Variants in MAPKAPK3 observed in about 807,000 individuals in gnomAD.
MAPKAPK3 encodes the protein MAP kinase-activated protein kinase 3.
MAPKAPK3 carries 35 observed loss-of-function variants against 49.2 expected under a neutral mutation model. That is an observed-to-expected ratio of 0.71 (90% CI 0.54 to 0.94). MAPKAPK3 has a LOEUF of 0.94. Ranked by LOEUF, MAPKAPK3 falls within the 40% of genes least tolerant of loss-of-function variation. MAPKAPK3 has a pLI of 0.00. For synonymous variants in MAPKAPK3, 178 were observed against 188.7 expected (o/e 0.94, Z 0.46); for missense variants, 398 against 493.1 (o/e 0.81, Z 1.83).
chr3:50,646,564 A>T (rs574638620), intron 8 of MAPKAPK3, among the ~76,000 whole-genome samples, 176 bp from the exon 9 acceptor site: 1 of 152,300 alleles, frequency 6.6e-6, no homozygotes, highest in African/African-American at 2.4e-5. Context: ...TTAACCAATT[A>T]TCCTGAACAC....
chr3:50,617,740 C>G lies in MAPKAPK3; in HGVS notation c.175C>G (p.Leu59Val). ...VLGLGVNGKV[L>V]ECFHRRTGQK... ...GGGCCTGGGTGTGAACGGCAAAGTG[C>G]TGGAGTGCTTCCATCGGCGCACTGG... is the stretch of plus-strand genomic sequence containing the variant. The change falls in exon 2 of 11, where the codon CTG (leucine) becomes GTG (valine). Residue 59 changes from leucine to valine, a missense_variant. Physicochemically the swap from Leu to Val is conservative, Grantham distance 32 (BLOSUM62 1). This residue lies in a region of MAPKAPK3 where 123 missense variants were observed against 117.7 expected (regional missense o/e 1.04). Transcript: ENST00000621469. 6.2e-7 allele frequency: 1 copy of G among 1,613,644 alleles called. No homozygotes were observed. Among genetic ancestry groups the G allele is most frequent in the South Asian group, 1.1e-5 (1 of 91,080 alleles).
intron 2 of MAPKAPK3, among the ~76,000 whole-genome samples, chr3:50,639,599 G>C (rs961380556): frequency 6.6e-6 from 1 of 152,176 alleles, no homozygotes; most frequent in Non-Finnish European, 1.5e-5. Context: ...CACTCCTGGA[G>C]AATCTGAAGT....
intron 4 of MAPKAPK3, 43 bp from the exon 5 acceptor site, chr3:50,642,210 C>T: frequency 7.3e-7 from 1 of 1,365,360 alleles, no homozygotes; most frequent in Non-Finnish European, 1.0e-6. Context: ...GGGGCTTGAC[C>T]TTTGACTGGC....
chr3:50,637,930 C>T (rs1322695121), intron 2 of MAPKAPK3, among the ~76,000 whole-genome samples: 1 of 152,136 alleles, frequency 6.6e-6, no homozygotes, highest in East Asian at 1.9e-4. Context: ...GGTTTTGGCC[C>T]AGAGGTGGCA....
At chr3:50,631,343 G>T (rs1335648238) in intron 2 of MAPKAPK3, among the ~76,000 whole-genome samples, 4 of 152,188 alleles carry the variant, frequency 2.6e-5, no homozygotes. Context: ...GACATGGGGG[G>T]CAGGAGCGGG....
intron 2 of MAPKAPK3, among the ~76,000 whole-genome samples, chr3:50,635,833 C>G (rs1286594557): frequency 7.0e-6 from 1 of 143,534 alleles, no homozygotes; most frequent in Non-Finnish European, 1.5e-5. Flanking sequence ...CCTACAATCT[C>G]AGTGCTTCAG....
chr3:50,628,882 C>G (rs1252610719), intron 2 of MAPKAPK3, among the ~76,000 whole-genome samples: 1 of 152,206 alleles, frequency 6.6e-6, no homozygotes. Context: ...GCCATGGTCA[C>G]ACATTTTGCA....
At chr3:50,628,293 T>C (rs2032810815) in intron 2 of MAPKAPK3, among the ~76,000 whole-genome samples, 1 of 152,206 alleles carries the variant, frequency 6.6e-6, no homozygotes, top group Non-Finnish European at 1.5e-5. Flanking sequence ...TGGCCCTTTG[T>C]TACCCTGTGT....
At chr3:50,620,346 A>G (rs2032580456) in intron 2 of MAPKAPK3, among the ~76,000 whole-genome samples, 2 of 152,084 alleles carry the variant, frequency 1.3e-5, no homozygotes, top group Admixed American at 6.5e-5. Flanking sequence ...GCCCCAGCTC[A>G]GCCTAGGCAA....
At chr3:50,612,296 C>T (rs2032355081), upstream of MAPKAPK3, 1 of 151,984 alleles carries the variant, frequency 6.6e-6, no homozygotes, top group Admixed American at 6.6e-5. Flanking sequence ...CCGGGCTTGT[C>T]CTCCCTGCGA....
At chr3:50,613,834 T>A (rs2032398576), upstream of MAPKAPK3, 1 of 152,118 alleles carries the variant, frequency 6.6e-6, no homozygotes, top group African/African-American at 2.4e-5. Flanking sequence ...ATAACTTAGA[T>A]CTCCCAGCTG....
In MAPKAPK3 at chr3:50,648,174, T is replaced by C; in HGVS notation, c.*128T>C. The C allele has an allele frequency of 9.6e-7, 1 of 1,040,198 alleles. No individual in the cohort carries two copies. The highest frequency in any genetic ancestry group is 1.6e-5 in the African/African-American group (1 of 61,834). 64.4% of individuals were successfully genotyped at this position (1,040,198 alleles called of 1,614,324 possible). A position where few individuals can be genotyped will look rare whatever the true frequency, so the allele number is the denominator to read the frequency against. On this transcript the variant is annotated 3_prime_UTR_variant, in exon 11 of 11. Transcript: ENST00000621469. The stretch of plus-strand genomic sequence containing the variant: ...GATTATTTTGTTGTGTTTTAATTTG[T>C]CACTCGGAACTTCAGGATGGAGGAC...
At chr3:50,613,693 T>C (rs1276768298), upstream of MAPKAPK3, 1 of 152,226 alleles carries the variant, frequency 6.6e-6, no homozygotes, top group Non-Finnish European at 1.5e-5. Flanking sequence ...CCCCTCACCA[T>C]GACTATTCAA....
chr3:50,621,057 G>A (rs1340523118), intron 2 of MAPKAPK3, among the ~76,000 whole-genome samples: 1 of 152,218 alleles, frequency 6.6e-6, no homozygotes, highest in African/African-American at 2.4e-5. Context: ...GAAGTGGGGG[G>A]TGTAGCAGAG....
At chr3:50,626,392 T>C (rs2032743311) in intron 2 of MAPKAPK3, among the ~76,000 whole-genome samples, 1 of 152,094 alleles carries the variant, frequency 6.6e-6, no homozygotes, top group Non-Finnish European at 1.5e-5. Flanking sequence ...GTGTGAACAC[T>C]CAAGACTCTC....
intron 2 of MAPKAPK3, among the ~76,000 whole-genome samples, chr3:50,629,152 C>T (rs1449940149): frequency 1.3e-5 from 2 of 152,132 alleles, no homozygotes; most frequent in Non-Finnish European, 2.9e-5. Context: ...GAGCCTTTCA[C>T]AGCAAAACAG....
At chr3:50,644,059 A>C (rs904281058) in intron 5 of MAPKAPK3, among the ~76,000 whole-genome samples, 4 of 152,120 alleles carry the variant, frequency 2.6e-5, no homozygotes, top group African/African-American at 9.7e-5. Flanking sequence ...TGTGCTTGGC[A>C]ATACTGACTT....
At position 50,631,202 on chromosome 3, in the gene MAPKAPK3, GA is replaced by G. The variant is rs549795429; in HGVS notation, c.220-9162del. Among the ~76,000 whole-genome samples, 588 of 152,346 alleles carry G rather than the reference GA, an allele frequency of 3.9e-3. 4 individuals carry two copies. Among genetic ancestry groups the G allele is most frequent in the African/African-American group, 0.014 (562 of 41,572 alleles). ...CTTTAATGAGCTACGAAAGCTCGGA[GA>G]ATGAGTTTGTGAGAGAATAATGGCA... is the stretch of plus-strand genomic sequence containing the variant. On this transcript the variant is annotated intron_variant, in intron 2 of 10. Coordinates refer to ENST00000621469, the MANE Select transcript of MAPKAPK3 (RefSeq NM_001243925.2).
At chr3:50,632,911 T>C (rs2032947361) in intron 2 of MAPKAPK3, among the ~76,000 whole-genome samples, 1 of 152,190 alleles carries the variant, frequency 6.6e-6, no homozygotes, top group African/African-American at 2.4e-5. Flanking sequence ...GACACCCATG[T>C]GTGGGTGGGT....
Sources: allele counts gnomAD v4.1 joint callset (sites outside exome capture counted in the v4.1 genomes callset), GRCh38; gene constraint gnomAD v4.1.1; regional missense constraint gnomAD v4.1.1; transcripts MANE v1.5; gene names NCBI Gene and HGNC (gene_info 2026-07-23, HGNC 2026-07-21).